Variants in GRID2 observed in about 807,000 individuals in gnomAD.
GRID2 encodes glutamate receptor ionotropic, delta-2.
GRID2 carries 33 observed loss-of-function variants against 114.8 expected under a neutral mutation model. The ratio of observed to expected loss-of-function variants is 0.29; its 90% CI spans 0.22 to 0.38. The LOEUF is 0.38. Ranked by LOEUF, GRID2 falls within the 10% of genes least tolerant of loss-of-function variation. The pLI is 1.00. For missense variants in GRID2, 1,184 were observed against 1,257.7 expected (o/e 0.94, Z 0.89); for synonymous variants, 505 against 449.9 (o/e 1.12, Z -1.55).
intron 2 of GRID2, among the ~76,000 whole-genome samples, chr4:93,032,271 G>A (rs1386577503): frequency 2.6e-5 from 4 of 152,076 alleles, no homozygotes; most frequent in African/African-American, 9.7e-5. Flanking sequence ...CAAAACCAAA[G>A]GATGATTTTG....
intron 1 of GRID2, among the ~76,000 whole-genome samples, chr4:92,556,715 C>T (rs894988003): frequency 6.6e-6 from 1 of 152,104 alleles, no homozygotes; most frequent in Non-Finnish European, 1.5e-5. Flanking sequence ...AAGTTTTTGA[C>T]ATCTGCTGGC....
chr4:92,550,833 A>G (rs1421364408), intron 1 of GRID2, among the ~76,000 whole-genome samples: 1 of 152,216 alleles, frequency 6.6e-6, no homozygotes, highest in Non-Finnish European at 1.5e-5. Flanking sequence ...TAATGTGGAA[A>G]GGAATGCATC....
At chr4:92,369,024 G>A (rs1468507879) in intron 1 of GRID2, among the ~76,000 whole-genome samples, 3 of 151,014 alleles carry the variant, frequency 2.0e-5, no homozygotes, top group African/African-American at 7.3e-5. Flanking sequence ...TTTTACTCTT[G>A]CTGATTAAAT....
At position 92,999,101 on chromosome 4, in the gene GRID2, G is replaced by A. The variant is rs115214803; in HGVS notation, c.245-85894G>A. ...TTTTAATGTACTATTTTTTTCCATA[G>A]GAAATGAAAGCTCATTGTATAAAAC... On this transcript the variant is annotated intron_variant, in intron 2 of 15. Coordinates refer to ENST00000282020, the MANE Select transcript of GRID2 (RefSeq NM_001510.4). Among the ~76,000 whole-genome samples the A allele has an allele frequency of 7.7e-3, 1,175 of 151,722 alleles. 18 individuals are homozygous for A. Among genetic ancestry groups the A allele is most frequent in the African/African-American group, 0.027 (1,114 of 41,442 alleles).
chr4:92,521,863 C>T (rs1256042915), intron 1 of GRID2, among the ~76,000 whole-genome samples: 1 of 151,940 alleles, frequency 6.6e-6, no homozygotes, highest in Non-Finnish European at 1.5e-5. Context: ...GATGGTGCAG[C>T]ATTTTGTAAA....
intron 8 of GRID2, among the ~76,000 whole-genome samples, chr4:93,253,446 T>G (rs1749209917): frequency 6.6e-6 from 1 of 152,094 alleles, no homozygotes; most frequent in Non-Finnish European, 1.5e-5. Context: ...TAAATAAAAT[T>G]TATTGCTACT....
At chr4:92,820,085 A>C (rs1428035697) in intron 2 of GRID2, among the ~76,000 whole-genome samples, 1 of 152,132 alleles carries the variant, frequency 6.6e-6, no homozygotes, top group Non-Finnish European at 1.5e-5. Context: ...TCTGCTTTGC[A>C]TATTAAAGAC....
chr4:93,242,947 T>C (rs1747714467), intron 8 of GRID2, among the ~76,000 whole-genome samples: 1 of 152,086 alleles, frequency 6.6e-6, no homozygotes, highest in Non-Finnish European at 1.5e-5. Flanking sequence ...ATCTACTTTG[T>C]CCTTAAGTAA....
intron 8 of GRID2, among the ~76,000 whole-genome samples, chr4:93,376,203 A>G (rs1763365388): frequency 6.6e-6 from 1 of 151,324 alleles, no homozygotes; most frequent in African/African-American, 2.5e-5. Context: ...GGGAAACACA[A>G]TTCAGCTCAT....
intron 12 of GRID2, among the ~76,000 whole-genome samples, chr4:93,491,895 T>A (rs942846033): frequency 4.6e-5 from 7 of 151,916 alleles, no homozygotes; most frequent in African/African-American, 1.4e-4. Flanking sequence ...CATATTCAAC[T>A]AGTAATGCTA....
intron 14 of GRID2, among the ~76,000 whole-genome samples, chr4:93,761,437 A>G (rs149340543): frequency 6.6e-6 from 1 of 152,192 alleles, no homozygotes; most frequent in Non-Finnish European, 1.5e-5. Flanking sequence ...TTTTACAAAT[A>G]AAGCCCACTT....
intron 2 of GRID2, among the ~76,000 whole-genome samples, chr4:92,934,605 G>C (rs2149525368): frequency 1.4e-5 from 2 of 146,436 alleles, no homozygotes; most frequent in African/African-American, 4.8e-5. Context: ...AAAGAACAAA[G>C]CTGGAGGCAT....
At chr4:92,620,616 C>A (rs1730223536) in intron 2 of GRID2, among the ~76,000 whole-genome samples, 1 of 151,640 alleles carries the variant, frequency 6.6e-6, no homozygotes, top group East Asian at 1.9e-4. Context: ...TGAATTGTTA[C>A]TATAATTAGA....
intron 14 of GRID2, among the ~76,000 whole-genome samples, chr4:93,656,707 G>T (rs893204546): frequency 1.4e-5 from 2 of 139,554 alleles, no homozygotes; most frequent in Non-Finnish European, 3.2e-5. Flanking sequence ...GCGGGCACCT[G>T]TAGTCCCAGC....
intron 1 of GRID2, among the ~76,000 whole-genome samples, chr4:92,362,251 A>G (rs1560587060): frequency 6.6e-6 from 1 of 152,014 alleles, no homozygotes; most frequent in Non-Finnish European, 1.5e-5. Context: ...CAAATCTTCA[A>G]ACAGAAAGAG....
chr4:93,614,495 T>A (rs1741379968), intron 13 of GRID2, among the ~76,000 whole-genome samples: 1 of 152,150 alleles, frequency 6.6e-6, no homozygotes, highest in Non-Finnish European at 1.5e-5. Context: ...TGTGTAATAA[T>A]AATTATATAT....
intron 2 of GRID2, among the ~76,000 whole-genome samples, chr4:93,023,186 A>C (rs2149248547): frequency 6.6e-6 from 1 of 151,204 alleles, no homozygotes; most frequent in East Asian, 1.9e-4. Context: ...AATAACTATT[A>C]GTTAATGGTA....
chr4:92,621,721 C>T (rs1442936978), intron 2 of GRID2, among the ~76,000 whole-genome samples: 1 of 151,700 alleles, frequency 6.6e-6, no homozygotes, highest in Non-Finnish European at 1.5e-5. Flanking sequence ...AGAGAATTTT[C>T]ATTATGGTAG....
chr4:93,093,943 T>C (rs968659678), intron 3 of GRID2, among the ~76,000 whole-genome samples: 7 of 152,168 alleles, frequency 4.6e-5, no homozygotes, highest in Middle Eastern at 3.4e-3. Context: ...ACCAAGCAAA[T>C]CTGGTTTTGG....
Sources: allele counts gnomAD v4.1 joint callset (sites outside exome capture counted in the v4.1 genomes callset), GRCh38; gene constraint gnomAD v4.1.1; transcripts MANE v1.5; gene names NCBI Gene and HGNC (gene_info 2026-07-23, HGNC 2026-07-21).